The following KMT2C variants were observed in gnomAD, a reference collection of about 807,000 sequenced individuals.
KMT2C encodes lysine methyltransferase 2C.
In KMT2C, 88 loss-of-function variants were observed where a neutral mutation model predicts 507.9. The observed-to-expected ratio is 0.17, with a 90% CI of 0.15 to 0.21. The LOEUF is 0.21. Ranked by LOEUF, KMT2C falls within the 10% of genes least tolerant of loss-of-function variation. The pLI, the probability that KMT2C is intolerant of heterozygous loss-of-function variation, is 1.00. For missense variants in KMT2C, 4,954 were observed against 5,957.8 expected (o/e 0.83, Z 5.55); for synonymous variants, 2,049 against 2,080.8 (o/e 0.98, Z 0.42).
intron 1 of KMT2C, among the ~76,000 whole-genome samples, chr7:152,399,082 G>A (rs1047459319): frequency 6.6e-6 from 1 of 151,904 alleles, no homozygotes; most frequent in Non-Finnish European, 1.5e-5. Flanking sequence ...ACCCACCTTG[G>A]CTTCTCAAAG....
intron 22 of KMT2C, among the ~76,000 whole-genome samples, chr7:152,221,666 T>G: frequency 6.6e-6 from 1 of 152,362 alleles, no homozygotes; most frequent in South Asian, 2.1e-4. Flanking sequence ...AGAGATTGAA[T>G]TAATTCTAAA....
intron 31 of KMT2C, among the ~76,000 whole-genome samples, chr7:152,189,836 C>T (rs1029888420): frequency 6.6e-6 from 1 of 152,202 alleles, no homozygotes; most frequent in Admixed American, 6.5e-5. Flanking sequence ...TAGAATGCCA[C>T]ATCTATTTTC....
rs558998088 is a variant in KMT2C at position 152,237,039 on chromosome 7, A to C, written c.2653-1106T>G. Among the ~76,000 whole-genome samples the C allele has an allele frequency of 2.0e-5, 3 of 152,326 alleles. No individual in the cohort carries two copies. The South Asian group carries it at 6.2e-4, about 32-fold the overall frequency. On this transcript the variant is annotated intron_variant, in intron 15 of 58. Transcript: ENST00000262189. ...AATTTCAGACATTAAGTACCAGAGT[A>C]TGGTGTTCCCTGCCCCCTCACCCTT...
chr7:152,424,081 AAAT>A (rs2097795452), intron 1 of KMT2C, among the ~76,000 whole-genome samples: 1 of 152,206 alleles, frequency 6.6e-6, no homozygotes, highest in Non-Finnish European at 1.5e-5. Context: ...AGAGGATGGA[AAAT>A]AATGATTTTT....
intron 1 of KMT2C, among the ~76,000 whole-genome samples, chr7:152,396,544 C>CCAA (rs1277085201): frequency 1.3e-5 from 2 of 152,150 alleles, no homozygotes; most frequent in Non-Finnish European, 2.9e-5. Context: ...GAAGGACTGA[C>CCAA]CAACAGCTAT....
intron 6 of KMT2C, among the ~76,000 whole-genome samples, chr7:152,303,139 C>A (rs1461700380): frequency 6.6e-6 from 1 of 152,060 alleles, no homozygotes; most frequent in Non-Finnish European, 1.5e-5. Flanking sequence ...GTTCTTTTCT[C>A]TAGTAAAAAA....
In KMT2C at chr7:152,311,791, C is replaced by A. The variant is rs376263512; in HGVS notation, c.739+7G>T. On this transcript the variant is annotated splice_region_variant and intron_variant, in intron 5 of 58. Coordinates refer to ENST00000262189, the MANE Select transcript of KMT2C (RefSeq NM_170606.3). ...AGAGGCAGTCATTATTGAAAACATG[C>A]CCATACCTGTAGAATCAAATAAGGC... is the stretch of plus-strand genomic sequence containing the variant. 4.3e-5 allele frequency: 68 copies of A among 1,596,856 alleles called. No homozygotes were observed. The African/African-American group carries it at 7.0e-4, about 16-fold the overall frequency.
chr7:152,338,502 G>A (rs2096959304), intron 2 of KMT2C, among the ~76,000 whole-genome samples: 1 of 152,158 alleles, frequency 6.6e-6, no homozygotes, highest in Non-Finnish European at 1.5e-5. Context: ...ATACAGCTCA[G>A]AAAGGCTTCA....
intron 2 of KMT2C, among the ~76,000 whole-genome samples, chr7:152,355,896 T>C (rs1366754494): frequency 6.6e-6 from 1 of 152,074 alleles, no homozygotes; most frequent in Non-Finnish European, 1.5e-5. Context: ...GAGAGGCTAT[T>C]TGTGTTGAAA....
rs749631880 is a variant in KMT2C, at chr7:152,330,721, G to A, written c.269C>T (p.Ala90Val). 6.2e-7 allele frequency: 1 copy of A among 1,613,896 alleles called. No homozygotes were observed. Among genetic ancestry groups the A allele is most frequent in the South Asian group, 1.1e-5 (1 of 91,082 alleles). Residue 90 changes from alanine to valine, a missense_variant, in exon 3 of 59, where the codon GCA becomes GTA. By Grantham distance (64) the Ala-to-Val change is moderately conservative (BLOSUM62 0). Transcript: ENST00000262189. ...IVETEIKEQS[A>V]EEDAEAEVDN... ...CACTTCTGCTTCAGCATCCTCTTCT[G>A]CAGATTGTTCTTTGATTTCTGCTTA...
chr7:152,290,230 G>GTGTGTGTGTGTGTGTA (rs2096389257), intron 6 of KMT2C, among the ~76,000 whole-genome samples: 13 of 99,272 alleles, frequency 1.3e-4, no homozygotes, highest in African/African-American at 6.5e-4. Context: ...ATGTGTGTGT[G>GTGTGTGTGTGTGTGTA]TGTGTGTGTG....
chr7:152,253,909 C>G (rs2095604120), intron 9 of KMT2C, among the ~76,000 whole-genome samples: 1 of 152,042 alleles, frequency 6.6e-6, no homozygotes, highest in African/African-American at 2.4e-5. Flanking sequence ...GCCTTAAAAC[C>G]CTGGGTATCC....
Position 152,182,361 on chromosome 7 carries a change from C to T in KMT2C, c.5499G>A (p.Gln1833=), listed in dbSNP as rs2129120892. 3.7e-6 allele frequency: 6 copies of T among 1,613,358 alleles called. No individual in the cohort carries two copies. Among genetic ancestry groups the T allele is most frequent in the African/African-American group, 1.3e-5 (1 of 75,014 alleles). The change falls in exon 36 of 59, where the codon CAG becomes CAA. Residue 1833 remains glutamine (Q), a synonymous_variant. Transcript: ENST00000262189. ...QSFHKELFTK[Q]PPSTPTSTSS... ...ATGTAGACGTAGGGGTACTGGGTGG[C>T]TGTTTTGTAAACAGTTCTTTATGGA...
chr7:152,350,058 C>T (rs1244353235), intron 2 of KMT2C, among the ~76,000 whole-genome samples: 1 of 152,120 alleles, frequency 6.6e-6, no homozygotes, highest in Non-Finnish European at 1.5e-5. Flanking sequence ...TCAAGACCAG[C>T]CTGACCAACA....
chr7:152,140,430 C>G (rs28419023), intron 55 of KMT2C, among the ~76,000 whole-genome samples: 1,815 of 152,326 alleles, frequency 0.012, 35 homozygotes, highest in African/African-American at 0.042. Context: ...CACTGCGCAG[C>G]TTGTACTCCC....
chr7:152,377,351 AATGTT>A, intron 1 of KMT2C, among the ~76,000 whole-genome samples: 2 of 152,270 alleles, frequency 1.3e-5, no homozygotes, highest in Non-Finnish European at 2.9e-5. Context: ...CAGAAAGAAG[AATGTT>A]ACTTTCATGC....
intron 1 of KMT2C, 123 bp from the exon 2 acceptor site, chr7:152,358,798 C>A: frequency 1.6e-6 from 1 of 617,744 alleles, no homozygotes; most frequent in Non-Finnish European, 2.8e-6. Context: ...GGCATTTTTC[C>A]AGCATTTTAC....
intron 1 of KMT2C, among the ~76,000 whole-genome samples, chr7:152,374,502 G>C (rs1033531351): frequency 2.0e-5 from 3 of 152,082 alleles, no homozygotes; most frequent in Non-Finnish European, 4.4e-5. Flanking sequence ...TTTAGAAATG[G>C]AAATGAAAGC....
chr7:152,167,129 G>C lies in KMT2C; in HGVS notation c.9750+17C>G. On this transcript the variant is annotated intron_variant, in intron 42 of 58. Transcript: ENST00000262189. The stretch of plus-strand genomic sequence containing the variant: ...ATTAATTGTTGGTAGTTTCTATTTT[G>C]CAAACCTATTTATTACCTGTTCTAG... The C allele has an allele frequency of 6.3e-7, 1 of 1,585,166 alleles. No individual in the cohort carries two copies. Among genetic ancestry groups the C allele is most frequent in the Non-Finnish European group, 8.7e-7 (1 of 1,154,942 alleles).
Sources: gnomAD v4.1 joint callset for allele counts (sites outside exome capture counted in the v4.1 genomes callset) on GRCh38, gnomAD v4.1.1 for gene constraint, MANE v1.5 for transcripts, NCBI Gene and HGNC (gene_info 2026-07-23, HGNC 2026-07-21) for gene names.